Variants in EGF observed in about 807,000 individuals in gnomAD.
The protein encoded by EGF is epidermal growth factor, also known as pro-epidermal growth factor.
A neutral mutation model predicts 143.8 loss-of-function variants in EGF; 95 were observed. That is an observed-to-expected ratio of 0.66 (90% CI 0.56 to 0.78). The LOEUF (loss-of-function observed/expected upper bound fraction) is 0.78. Ranked by LOEUF, EGF falls within the 30% of genes least tolerant of loss-of-function variation. EGF has a pLI of 0.00. For missense variants in EGF, 1,320 were observed against 1,470.9 expected (o/e 0.90, Z 1.68); for synonymous variants, 510 against 510.5 (o/e 1.00, Z 0.01).
chr4:109,915,488 G>A (rs561952715), intron 1 of EGF, among the ~76,000 whole-genome samples: 11 of 152,294 alleles, frequency 7.2e-5, no homozygotes, highest in African/African-American at 2.6e-4. Flanking sequence ...GATCCATGGA[G>A]TGTGGAATGT....
chr4:109,938,262 T>C (rs1158821555), intron 1 of EGF, among the ~76,000 whole-genome samples: 1 of 152,204 alleles, frequency 6.6e-6, no homozygotes, highest in Non-Finnish European at 1.5e-5. Context: ...TTTCATTAAT[T>C]TGATCTTCAA....
chr4:109,992,721 G>C (rs575427182), intron 18 of EGF, among the ~76,000 whole-genome samples: 5 of 151,938 alleles, frequency 3.3e-5, no homozygotes, highest in African/African-American at 1.2e-4. Context: ...TGATAGACTG[G>C]ATTAAGAAAA....
intron 5 of EGF, among the ~76,000 whole-genome samples, chr4:109,956,743 A>G (rs1016632765): frequency 6.6e-6 from 1 of 152,218 alleles, no homozygotes; most frequent in Admixed American, 6.5e-5. Flanking sequence ...TTCAATGTAA[A>G]TCTTAACTGA....
At chr4:110,003,324 CT>C (rs1397771725) in intron 21 of EGF, among the ~76,000 whole-genome samples, 5 of 152,160 alleles carry the variant, frequency 3.3e-5, no homozygotes, top group Non-Finnish European at 7.4e-5. Context: ...TCATGAGCAT[CT>C]TTTTTTTCTT....
chr4:110,009,186 C>G (rs6811614), intron 23 of EGF, among the ~76,000 whole-genome samples: 4,122 of 152,118 alleles, frequency 0.027, 199 homozygotes, highest in African/African-American at 0.092. Flanking sequence ...ACTTTATTAC[C>G]TAATTTGAAG....
intron 13 of EGF, 32 bp downstream of exon 13, chr4:109,976,267 T>G (rs1748492791): frequency 6.3e-7 from 1 of 1,574,896 alleles, no homozygotes; most frequent in Non-Finnish European, 8.7e-7. Context: ...TTTTTTCATC[T>G]TGACTGAGTG....
At chr4:109,959,269 T>C (rs761387138) in intron 5 of EGF, 43 bp from the exon 6 acceptor site, 5 of 1,612,776 alleles carry the variant, frequency 3.1e-6, no homozygotes, top group Non-Finnish European at 4.2e-6. Flanking sequence ...GTGTCCTCTG[T>C]CAAAACACGG....
At chr4:109,988,796 A>G (rs536985680) in intron 18 of EGF, 87 bp downstream of exon 18, 1 of 1,589,992 alleles carries the variant, frequency 6.3e-7, no homozygotes, top group Non-Finnish European at 8.6e-7. Flanking sequence ...GAGGGAAGAC[A>G]GGATATAATT....
At position 110,011,141 on chromosome 4, in the gene EGF, C is replaced by T. The variant is rs1753945164; in HGVS notation, c.3371-61C>T. The T allele has an allele frequency of 2.5e-6, 4 of 1,590,600 alleles. No homozygotes were observed. The African/African-American group carries it at 5.4e-5, about 21-fold the overall frequency. On this transcript the variant is annotated intron_variant, in intron 23 of 23. Coordinates refer to ENST00000265171, the MANE Select transcript of EGF (RefSeq NM_001963.6). ...TTCTTCAACCACTACCGTTTAGGGT[C>T]TGTCTTGCCTATCTATTGTTAATGA...
Position 110,011,745 on chromosome 4 carries a change from A to G in EGF, c.*290A>G, listed in dbSNP as rs1308591064. 6.8e-6 allele frequency: 3 copies of G among 440,902 alleles called. No individual in the cohort carries two copies. The highest frequency in any genetic ancestry group is 1.2e-5 in the Non-Finnish European group (3 of 242,306). The allele number at this position is 440,902 out of a possible 1,614,324, so 27.3% of individuals were successfully genotyped here. Reference sequence around the variant, plus strand: ...AATTGTGTTGTCTTCAGCAGTCAATACAAATAGATTTTTGTTTTTGTTGTT... The same window carrying G: ...AATTGTGTTGTCTTCAGCAGTCAATGCAAATAGATTTTTGTTTTTGTTGTT... On this transcript the variant is annotated 3_prime_UTR_variant, in exon 24 of 24. Coordinates refer to ENST00000265171, the MANE Select transcript of EGF (RefSeq NM_001963.6).
intron 1 of EGF, among the ~76,000 whole-genome samples, chr4:109,919,862 G>C (rs974970094): frequency 6.6e-6 from 1 of 151,620 alleles, no homozygotes; most frequent in Non-Finnish European, 1.5e-5. Context: ...CTATAAAAAA[G>C]AAATGTGCCC....
At position 110,004,308 on chromosome 4, in the gene EGF, G is replaced by T. The variant is rs895165066; in HGVS notation, c.3174-197G>T. On this transcript the variant is annotated intron_variant, in intron 21 of 23. Transcript: ENST00000265171. ...CTTGGAAAGAGTGAAACACTGTCTG[G>T]AAAGCATTTTGAGTTCTGCAGAAAA... 1.4e-5 allele frequency: 9 copies of T among 658,500 alleles called. 1 individual carries two copies. The Admixed American group carries it at 1.8e-4, about 13-fold the overall frequency. 40.8% of individuals were successfully genotyped at this position (658,500 alleles called of 1,614,324 possible).
intron 3 of EGF, 146 bp downstream of exon 3, chr4:109,943,581 A>G (rs997137966): frequency 2.3e-5 from 21 of 893,646 alleles, no homozygotes; most frequent in Middle Eastern, 3.4e-4. Context: ...TCTATAGGAC[A>G]GTTGCCTGCA....
chr4:109,922,888 C>A (rs1339194031), intron 1 of EGF, among the ~76,000 whole-genome samples: 1 of 151,464 alleles, frequency 6.6e-6, no homozygotes, highest in South Asian at 2.1e-4. Context: ...CAAATATTGG[C>A]TATTACTCTC....
At chr4:109,980,381 C>T (rs1338281414) in intron 14 of EGF, among the ~76,000 whole-genome samples, 4 of 152,142 alleles carry the variant, frequency 2.6e-5, no homozygotes, top group South Asian at 2.1e-4. Flanking sequence ...TGCTGCATTT[C>T]GAAGAGCCTT....
intron 10 of EGF, among the ~76,000 whole-genome samples, chr4:109,968,030 T>C (rs1746891177): frequency 6.6e-6 from 1 of 152,178 alleles, no homozygotes. Context: ...AGGACATGAC[T>C]GTACATTGCT....
intron 13 of EGF, among the ~76,000 whole-genome samples, 199 bp from the exon 14 acceptor site, chr4:109,979,773 C>A (rs531687897): frequency 5.1e-4 from 77 of 152,282 alleles, no homozygotes; most frequent in Non-Finnish European, 1.0e-3. Context: ...ACTATGCTCC[C>A]ATTCTAAGGT....
In EGF at chr4:109,992,170, TAAA is replaced by T. The variant is rs58841408; in HGVS notation, c.2735-1049_2735-1047del. The stretch of plus-strand genomic sequence containing the variant: ...TCCTTAGCAACCAAGCAAGATTCTT[TAAA>T]AAAAAAAAAAAAAAAAAAAAAAAAA... On this transcript the variant is annotated intron_variant, in intron 18 of 23. Transcript: ENST00000265171. Among the ~76,000 whole-genome samples, 470 of 65,564 alleles carry T rather than the reference TAAA, an allele frequency of 7.2e-3. 3 individuals are homozygous for T. Among genetic ancestry groups the T allele is most frequent in the African/African-American group, 0.031 (447 of 14,344 alleles). The allele number at this position is 65,564 out of a possible 152,430, so 43.0% of individuals were successfully genotyped here.
At chr4:109,986,443 G>A (rs1750116900) in intron 16 of EGF, among the ~76,000 whole-genome samples, 1 of 152,170 alleles carries the variant, frequency 6.6e-6, no homozygotes. Flanking sequence ...AACCAAGCAA[G>A]CATGAAAGGC....
Sources: gnomAD v4.1 joint callset for allele counts (sites outside exome capture counted in the v4.1 genomes callset) on GRCh38, gnomAD v4.1.1 for gene constraint, MANE v1.5 for transcripts, NCBI Gene and HGNC (gene_info 2026-07-23, HGNC 2026-07-21) for gene names.